Variants in DIS3L2 observed in about 807,000 individuals in gnomAD.
DIS3L2 encodes the protein DIS3 like 3'-5' exoribonuclease 2, also known as DIS3-like exonuclease 2.
DIS3L2 carries 34 observed loss-of-function variants against 97.5 expected under a neutral mutation model. That is an observed-to-expected ratio of 0.35 (90% CI 0.27 to 0.46). The LOEUF (loss-of-function observed/expected upper bound fraction) is 0.46. Ranked by LOEUF, DIS3L2 falls within the 20% of genes least tolerant of loss-of-function variation. The pLI is 1.00. For synonymous variants in DIS3L2, 435 were observed against 445.2 expected (o/e 0.98, Z 0.29); for missense variants, 1,038 against 1,146.0 (o/e 0.91, Z 1.36).
intron 9 of DIS3L2, among the ~76,000 whole-genome samples, chr2:232,172,210 T>C (rs904025347): frequency 6.6e-6 from 1 of 152,182 alleles, no homozygotes; most frequent in Non-Finnish European, 1.5e-5. Flanking sequence ...TTCTCGTATA[T>C]TGGTAGATTT....
chr2:232,019,573 T>A (rs1379214105), intron 3 of DIS3L2, among the ~76,000 whole-genome samples: 7 of 118,320 alleles, frequency 5.9e-5, no homozygotes, highest in African/African-American at 1.9e-4. Context: ...TTTTTTTTTT[T>A]AAAGAGTAAA....
chr2:232,101,220 GAA>G (rs71910297), intron 6 of DIS3L2, among the ~76,000 whole-genome samples: 3 of 134,720 alleles, frequency 2.2e-5, no homozygotes, highest in Non-Finnish European at 1.6e-5. Context: ...GTGATAGAGT[GAA>G]AAAAAAAAAA....
intron 1 of DIS3L2, among the ~76,000 whole-genome samples, chr2:232,009,581 C>G (rs556847007): frequency 6.6e-6 from 1 of 152,272 alleles, no homozygotes; most frequent in South Asian, 2.1e-4. Context: ...CAACGAGCTT[C>G]CCTTTGTCAT....
intron 12 of DIS3L2, among the ~76,000 whole-genome samples, chr2:232,252,820 A>G (rs777694463): frequency 6.6e-6 from 1 of 152,066 alleles, no homozygotes; most frequent in Non-Finnish European, 1.5e-5. Flanking sequence ...AGGATCACCT[A>G]AGCCTGGGAA....
intron 13 of DIS3L2, among the ~76,000 whole-genome samples, chr2:232,277,119 G>A (rs1488944178): frequency 6.6e-6 from 1 of 152,180 alleles, no homozygotes; most frequent in Non-Finnish European, 1.5e-5. Flanking sequence ...ATTGCCCCCT[G>A]CAGGGAAGCA....
intron 14 of DIS3L2, among the ~76,000 whole-genome samples, chr2:232,323,390 TC>T (rs1695490401): frequency 6.6e-6 from 1 of 152,164 alleles, no homozygotes; most frequent in Non-Finnish European, 1.5e-5. Context: ...CCACTGGGGC[TC>T]CCTTTGGCAA....
intron 13 of DIS3L2, among the ~76,000 whole-genome samples, chr2:232,287,660 G>A (rs2106308534): frequency 6.6e-6 from 1 of 152,160 alleles, no homozygotes; most frequent in South Asian, 2.1e-4. Context: ...CCAAAGTGCT[G>A]TGATTACAGA....
At chr2:232,315,496 T>C (rs1695246797) in intron 14 of DIS3L2, among the ~76,000 whole-genome samples, 1 of 152,078 alleles carries the variant, frequency 6.6e-6, no homozygotes, top group African/African-American at 2.4e-5. Context: ...CTTTTGGCTG[T>C]GCTATCTGTG....
intron 11 of DIS3L2, among the ~76,000 whole-genome samples, chr2:232,245,056 A>G (rs567937212): frequency 1.3e-5 from 2 of 152,370 alleles, no homozygotes; most frequent in East Asian, 1.9e-4. Flanking sequence ...TTCACACTGC[A>G]TAGCAAAGTT....
chr2:232,146,572 G>A (rs1407426827), intron 8 of DIS3L2, among the ~76,000 whole-genome samples: 2 of 152,182 alleles, frequency 1.3e-5, no homozygotes, highest in African/African-American at 4.8e-5. Flanking sequence ...ATGGCTGCCA[G>A]TATGATTAGG....
chr2:232,112,082 T>C (rs1697552018), intron 6 of DIS3L2, among the ~76,000 whole-genome samples: 1 of 152,352 alleles, frequency 6.6e-6, no homozygotes, highest in East Asian at 1.9e-4. Context: ...AAGGCACTGA[T>C]AGACTTCATG....
chr2:232,302,128 C>T (rs1430143603), intron 14 of DIS3L2, among the ~76,000 whole-genome samples: 2 of 149,634 alleles, frequency 1.3e-5, no homozygotes, highest in African/African-American at 4.9e-5. Flanking sequence ...AGATAGGAGC[C>T]ATGATCTAGA....
chr2:232,040,902 T>A (rs1638634945), intron 5 of DIS3L2, among the ~76,000 whole-genome samples: 1 of 152,230 alleles, frequency 6.6e-6, no homozygotes, highest in South Asian at 2.1e-4. Context: ...AGTTATTTGA[T>A]CTGTATACAG....
At chr2:232,319,804 T>TA (rs1358108086) in intron 14 of DIS3L2, among the ~76,000 whole-genome samples, 2 of 152,160 alleles carry the variant, frequency 1.3e-5, no homozygotes, top group African/African-American at 4.8e-5. Flanking sequence ...TCCAGAGTGG[T>TA]AGCTCAGGGA....
chr2:232,025,466 T>C (rs1218851916), intron 4 of DIS3L2, among the ~76,000 whole-genome samples: 1 of 152,170 alleles, frequency 6.6e-6, no homozygotes. Flanking sequence ...GGGACTCACA[T>C]TGCATCCAAG....
chr2:232,209,922 T>G (rs1266343086), intron 9 of DIS3L2, among the ~76,000 whole-genome samples: 2 of 152,234 alleles, frequency 1.3e-5, no homozygotes, highest in Non-Finnish European at 2.9e-5. Context: ...CGAAGCTTAT[T>G]GTTGGGTCCC....
intron 1 of DIS3L2, among the ~76,000 whole-genome samples, chr2:231,981,733 A>G (rs1371624833): frequency 6.8e-6 from 1 of 147,964 alleles, no homozygotes; most frequent in African/African-American, 2.5e-5. Context: ...TTTTTTTTAG[A>G]TGTTTAATAC....
rs1694281464 is a variant in DIS3L2 at position 232,281,395 on chromosome 2, T to C, written c.1659+17955T>C. Among the ~76,000 whole-genome samples, 4 of 151,892 alleles carry C rather than the reference T, an allele frequency of 2.6e-5. No individual in the cohort carries two copies. Among genetic ancestry groups the C allele is most frequent in the South Asian group, 2.1e-4 (1 of 4,834 alleles). On this transcript the variant is annotated intron_variant, in intron 13 of 20. Transcript: ENST00000325385. This position sits in a 1 kb window ranked among gnomAD's most constrained non-coding sequence, Gnocchi z 4.1. Reference sequence around the variant, plus strand: ...GCCTGGGTGACAGAGCAAGACTCTGTCTCAAAAAGAAAAAAAGAAATATGA... The same window carrying C: ...GCCTGGGTGACAGAGCAAGACTCTGCCTCAAAAAGAAAAAAAGAAATATGA...
chr2:232,175,085 T>C (rs1463688963), intron 9 of DIS3L2, among the ~76,000 whole-genome samples: 2 of 152,242 alleles, frequency 1.3e-5, no homozygotes, highest in East Asian at 3.9e-4. Context: ...CGCCCCGGCC[T>C]CCCAAAGTGC....
Sources: allele counts gnomAD v4.1 joint callset (sites outside exome capture counted in the v4.1 genomes callset), GRCh38; gene constraint gnomAD v4.1.1; non-coding constraint Gnocchi (gnomAD v3.1); transcripts MANE v1.5; gene names NCBI Gene and HGNC (gene_info 2026-07-23, HGNC 2026-07-21).